CYP2J2: variants seen among roughly 807,000 people sequenced by gnomAD.
CYP2J2 encodes cytochrome P450 2J2.
Under a neutral mutation model 48.8 loss-of-function variants are expected in CYP2J2, and 41 were observed. The ratio of observed to expected loss-of-function variants is 0.84; its 90% confidence interval spans 0.66 to 1.09. The LOEUF is 1.09. CYP2J2 is among the 50% of genes least tolerant of loss of function. The probability of loss-of-function intolerance (pLI) is 0.00; values close to 1 mark genes in which losing one functional copy is unlikely to be tolerated. For synonymous variants in CYP2J2, 221 were observed against 227.1 expected, an observed-to-expected ratio of 0.97 and a Z score of 0.24; for missense variants, 644 against 617.3, an observed-to-expected ratio of 1.04 and a Z score of -0.46.
intron 7 of CYP2J2, 99 bp from the exon 8 acceptor site, chr1:59,901,202 A>G: frequency 7.8e-7 from 1 of 1,287,770 alleles, no homozygotes; most frequent in Non-Finnish European, 1.1e-6. Context: ...CGGGGGCCTG[A>G]ACATACTGCC....
At chr1:59,913,177 T>G (rs578021688) in intron 2 of CYP2J2, 1 of 152,272 alleles carries the variant, frequency 6.6e-6, no homozygotes, top group East Asian at 1.9e-4. Context: ...GTCTCCAGAT[T>G]TTCGTCCTAA....
At chr1:59,894,905 A>G (rs762074704) in intron 8 of CYP2J2, among the ~76,000 whole-genome samples, 7 of 152,176 alleles carry the variant, frequency 4.6e-5, no homozygotes, top group Non-Finnish European at 7.3e-5. Flanking sequence ...GTATATTACA[A>G]TTCTTTACTG....
At chr1:59,941,198 C>A in the CYP2J2 span, among the ~76,000 whole-genome samples, 3 of 152,078 alleles carry the variant, frequency 2.0e-5, no homozygotes, top group Non-Finnish European at 4.4e-5. Context: ...GCTGGCCTGG[C>A]TTAGGTTATG....
chr1:59,902,850 G>C (rs1462132523), intron 7 of CYP2J2, among the ~76,000 whole-genome samples: 1 of 152,188 alleles, frequency 6.6e-6, no homozygotes, highest in East Asian at 1.9e-4. Flanking sequence ...TTGAAGCTTT[G>C]AGAGGTAAAA....
At chr1:59,949,616 C>T in the CYP2J2 span, among the ~76,000 whole-genome samples, 1 of 151,800 alleles carries the variant, frequency 6.6e-6, no homozygotes, top group African/African-American at 2.4e-5. Flanking sequence ...ACAATTCCAT[C>T]ATGAGTAAAC....
chr1:59,954,385 C>T, the CYP2J2 span, among the ~76,000 whole-genome samples: 1,155 of 152,216 alleles, frequency 7.6e-3, 45 homozygotes, highest in Admixed American at 0.07. Context: ...CTCCAAACTC[C>T]ACTAATATGA....
the CYP2J2 span, among the ~76,000 whole-genome samples, chr1:59,943,829 G>A: frequency 6.6e-6 from 1 of 152,184 alleles, no homozygotes; most frequent in Non-Finnish European, 1.5e-5. Flanking sequence ...CAGAGAAGTG[G>A]TACTTGGAGT....
rs1644470400 is a variant in CYP2J2 at position 59,916,822 on chromosome 1, T to C, written c.211-722A>G. 2.0e-5 allele frequency among the ~76,000 whole-genome samples: 3 copies of C among 152,202 alleles called. No homozygotes were observed. In the South Asian group the frequency reaches 6.2e-4, roughly 32 times the overall value. ...AATTCAGCACATCTGAATTCTCACCTGAACACTAATCATGTCTCAGCCACT... is the reference window on the plus strand; with the variant it reads ...AATTCAGCACATCTGAATTCTCACCCGAACACTAATCATGTCTCAGCCACT... On this transcript the variant is annotated intron_variant, in intron 1 of 8. Coordinates refer to ENST00000371204, the MANE Select transcript of CYP2J2 (RefSeq NM_000775.4).
chr1:59,931,379 A>G (rs563914835), upstream of CYP2J2, among the ~76,000 whole-genome samples: 1 of 152,278 alleles, frequency 6.6e-6, no homozygotes, highest in South Asian at 2.1e-4. Flanking sequence ...TGGGAGCCCA[A>G]CCAAGTTCTC....
chr1:59,957,371 T>C, the CYP2J2 span, among the ~76,000 whole-genome samples: 1 of 152,278 alleles, frequency 6.6e-6, no homozygotes, highest in South Asian at 2.1e-4. Context: ...GCTATTTCTA[T>C]ATTGTAAACA....
intron 7 of CYP2J2, 24 bp from the exon 8 acceptor site, chr1:59,901,127 G>A (rs778677753): frequency 3.5e-5 from 56 of 1,609,236 alleles, no homozygotes; most frequent in Non-Finnish European, 4.6e-5. Flanking sequence ...CAGAGACTCA[G>A]GCAAGGCTTG....
chr1:59,925,403 T>C (rs890509114), intron 1 of CYP2J2, among the ~76,000 whole-genome samples: 31 of 152,222 alleles, frequency 2.0e-4, no homozygotes, highest in African/African-American at 7.2e-4. Flanking sequence ...ATGGCACATT[T>C]ATCAAGATAG....
rs1373744713 is a variant in CYP2J2, at chr1:59,907,898, A to C, written c.891T>G (p.His297Gln). The part of the protein sequence containing the change: ...KHTGNPTSSF[H>Q]EENLICSTLD... Reference sequence around the variant, plus strand: ...GGGTGCTGCAGATGAGGTTTTCTTCATGGAAACTTGAAGTAGGATTGCCTG... The same window carrying C: ...GGGTGCTGCAGATGAGGTTTTCTTCCTGGAAACTTGAAGTAGGATTGCCTG... The change falls in exon 6 of 9, where the codon CAT (histidine) becomes CAG (glutamine). Residue 297 changes from histidine to glutamine, a missense_variant. His to Gln is a conservative substitution (Grantham distance 24, BLOSUM62 0). Coordinates refer to ENST00000371204, the MANE Select transcript of CYP2J2 (RefSeq NM_000775.4). The C allele has an allele frequency of 6.2e-7, 1 of 1,614,148 alleles. No individual in the cohort carries two copies. Among genetic ancestry groups the C allele is most frequent in the Admixed American group, 1.7e-5 (1 of 60,030 alleles).
intron 8 of CYP2J2, 113 bp downstream of exon 8, chr1:59,900,852 A>C: frequency 2.4e-6 from 3 of 1,228,106 alleles, no homozygotes; most frequent in East Asian, 2.4e-5. Flanking sequence ...AGTGAGTCGC[A>C]CTGGCCAGGC....
chr1:59,965,217 T>C, the CYP2J2 span, among the ~76,000 whole-genome samples: 1 of 152,244 alleles, frequency 6.6e-6, no homozygotes, highest in Non-Finnish European at 1.5e-5. Context: ...AGATATCTCT[T>C]AGACAACCAA....
At chr1:59,923,745 A>G (rs565550649) in intron 1 of CYP2J2, among the ~76,000 whole-genome samples, 1 of 152,326 alleles carries the variant, frequency 6.6e-6, no homozygotes, top group South Asian at 2.1e-4. Flanking sequence ...GAACATATTC[A>G]AACTAAACAA....
At chr1:59,953,015 A>G in the CYP2J2 span, among the ~76,000 whole-genome samples, 1 of 152,238 alleles carries the variant, frequency 6.6e-6, no homozygotes, top group Non-Finnish European at 1.5e-5. Flanking sequence ...AGTCAGAGAA[A>G]TAAGTAAGAC....
At chr1:59,945,235 T>C in the CYP2J2 span, among the ~76,000 whole-genome samples, 3 of 152,194 alleles carry the variant, frequency 2.0e-5, no homozygotes, top group Admixed American at 2.0e-4. Context: ...TAATTTTTGC[T>C]GTAATATTTT....
chr1:59,905,204 GCTTATTC>G (rs1200772505), intron 6 of CYP2J2, 146 bp from the exon 7 acceptor site: 1 of 790,624 alleles, frequency 1.3e-6, no homozygotes, highest in Non-Finnish European at 1.9e-6. Context: ...CTTTTGAAAG[GCTTATTC>G]AGAAAACTAC....
Sources: allele counts gnomAD v4.1 joint callset (sites outside exome capture counted in the v4.1 genomes callset), GRCh38; gene constraint gnomAD v4.1.1; transcripts MANE v1.5; gene names NCBI Gene and HGNC (gene_info 2026-07-23, HGNC 2026-07-21).